Variants in MS4A13 observed in about 807,000 individuals in gnomAD.
MS4A13 encodes membrane spanning 4-domains A13, also known as membrane-spanning 4-domains subfamily A member 13.
A neutral mutation model predicts 18.4 loss-of-function variants in MS4A13; 21 were observed. The ratio of observed to expected loss-of-function variants is 1.14; its 90% CI spans 0.81 to 1.64. The LOEUF is 1.64. Ranked by LOEUF, MS4A13 falls within the 40% of genes most tolerant of loss-of-function variation. The pLI is 0.00. For missense variants in MS4A13, 173 were observed against 176.8 expected, an observed-to-expected ratio of 0.98 and a Z score of 0.12; for synonymous variants, 62 against 57.2, an observed-to-expected ratio of 1.08 and a Z score of -0.38.
chr11:60,528,952 G>C (rs1215548004), intron 5 of MS4A13, among the ~76,000 whole-genome samples: 2 of 152,192 alleles, frequency 1.3e-5, no homozygotes, highest in Non-Finnish European at 2.9e-5. Context: ...GAAGGGTTGT[G>C]ATTAATAATA....
At chr11:60,539,772 C>T (rs1033601464) in intron 6 of MS4A13, among the ~76,000 whole-genome samples, 5 of 152,018 alleles carry the variant, frequency 3.3e-5, no homozygotes, top group Non-Finnish European at 7.4e-5. Context: ...GGTTCTCATC[C>T]AAAACAATGG....
chr11:60,516,441 C>G (rs1281326826), intron 2 of MS4A13, among the ~76,000 whole-genome samples: 2 of 152,082 alleles, frequency 1.3e-5, no homozygotes, highest in African/African-American at 4.8e-5. Flanking sequence ...TAATGAACAC[C>G]AAGGAATTAT....
intron 4 of MS4A13, among the ~76,000 whole-genome samples, chr11:60,524,662 CTTTT>C (rs11338863): frequency 5.7e-5 from 6 of 104,372 alleles, no homozygotes; most frequent in Admixed American, 1.0e-4. Flanking sequence ...AAACACAATA[CTTTT>C]TTTTTTTTTT....
At chr11:60,532,529 G>A (rs1022773701) in intron 6 of MS4A13, among the ~76,000 whole-genome samples, 34 of 152,338 alleles carry the variant, frequency 2.2e-4, no homozygotes, top group Non-Finnish European at 3.8e-4. Flanking sequence ...CTACGCCCAC[G>A]GAATCTCGCT....
chr11:60,542,261 A>G (rs1260709198), intron 6 of MS4A13, among the ~76,000 whole-genome samples: 1 of 149,696 alleles, frequency 6.7e-6, no homozygotes, highest in East Asian at 1.9e-4. Flanking sequence ...AGAGAAAGAA[A>G]GAAAGAAAAA....
At chr11:60,517,931 A>G in intron 2 of MS4A13, 141 bp from the exon 3 acceptor site, 1 of 589,716 alleles carries the variant, frequency 1.7e-6, no homozygotes, top group East Asian at 3.4e-5. Flanking sequence ...GGGATAACCA[A>G]TCCAGGAAAT....
At chr11:60,526,825 AATAGTATAGATTCCAGGATCAG>A (rs2086716567) in intron 5 of MS4A13, among the ~76,000 whole-genome samples, 5 of 152,214 alleles carry the variant, frequency 3.3e-5, no homozygotes, top group Non-Finnish European at 5.9e-5. Context: ...CAAAATGGTT[AATAGTATAGATTCCAGGATCAG>A]AGTGCACTTA....
rs2086648476 is a variant in MS4A13, at chr11:60,518,028, T to G, written c.-12-44T>G. On this transcript the variant is annotated intron_variant, in intron 2 of 6. Coordinates refer to ENST00000378186, the MANE Select transcript of MS4A13 (RefSeq NM_001012417.3). The stretch of plus-strand genomic sequence containing the variant: ...AGTTAACACTTATTGGAATTGTGTT[T>G]TAAATTACATTATTTCGGTACTAAC... 4.1e-6 allele frequency: 6 copies of G among 1,462,550 alleles called. No individual in the cohort carries two copies. In the South Asian group the frequency reaches 6.7e-5, roughly 16 times the overall value. The allele number at this position is 1,462,550 out of a possible 1,614,324, so 90.6% of individuals were successfully genotyped here.
intron 3 of MS4A13, among the ~76,000 whole-genome samples, chr11:60,523,074 C>T (rs1021978140): frequency 6.6e-6 from 1 of 152,160 alleles, no homozygotes; most frequent in African/African-American, 2.4e-5. Flanking sequence ...AAATTCTGAG[C>T]TAGTTCTTAC....
At chr11:60,535,259 A>G (rs1431651382) in intron 6 of MS4A13, among the ~76,000 whole-genome samples, 3 of 39,676 alleles carry the variant, frequency 7.6e-5, no homozygotes, top group South Asian at 2.7e-3. Context: ...AGGATCAACA[A>G]AATTGATAGA....
intron 3 of MS4A13, among the ~76,000 whole-genome samples, chr11:60,522,410 G>A (rs1172494611): frequency 6.6e-6 from 1 of 151,970 alleles, no homozygotes; most frequent in African/African-American, 2.4e-5. Flanking sequence ...AAACCATGAA[G>A]GATAGTGAGT....
At chr11:60,517,206 C>T (rs752574653) in intron 2 of MS4A13, among the ~76,000 whole-genome samples, 5 of 151,718 alleles carry the variant, frequency 3.3e-5, no homozygotes, top group Non-Finnish European at 5.9e-5. Context: ...AAAACTTCTC[C>T]AAAATGTATT....
At chr11:60,538,665 T>C (rs1044728356) in intron 6 of MS4A13, among the ~76,000 whole-genome samples, 2 of 151,430 alleles carry the variant, frequency 1.3e-5, no homozygotes, top group East Asian at 1.9e-4. Context: ...TGGTGTCCCA[T>C]CTATCCTATG....
intron 3 of MS4A13, among the ~76,000 whole-genome samples, chr11:60,522,213 TA>T (rs1354607018): frequency 2.5e-5 from 1 of 40,338 alleles, no homozygotes; most frequent in East Asian, 6.3e-4. Context: ...GATAGATAGA[TA>T]GATAGATAGA....
At chr11:60,528,144 G>C (rs1297492629) in intron 5 of MS4A13, among the ~76,000 whole-genome samples, 1 of 151,328 alleles carries the variant, frequency 6.6e-6, no homozygotes, top group Non-Finnish European at 1.5e-5. Context: ...AAAACCATAG[G>C]TTGTTCAAAT....
rs759455454 is a variant in MS4A13 at position 60,518,077 on chromosome 11, C to G, written c.-7C>G. 6.3e-7 allele frequency: 1 copy of G among 1,589,124 alleles called. No homozygotes were observed. The highest frequency in any genetic ancestry group is 1.1e-5 in the South Asian group (1 of 88,234). On this transcript the variant is annotated 5_prime_UTR_variant, in exon 3 of 7. The change creates a new upstream start codon in the 5' untranslated region. Transcript: ENST00000378186. ...ACATAATTCTCTTCTCACAGACTATCCAGATTATGATTGGCATCTTTCACA... is the reference window on the plus strand; with the variant it reads ...ACATAATTCTCTTCTCACAGACTATGCAGATTATGATTGGCATCTTTCACA...
chr11:60,518,994 C>T (rs1002605150), intron 3 of MS4A13, among the ~76,000 whole-genome samples: 19 of 152,108 alleles, frequency 1.2e-4, no homozygotes, highest in African/African-American at 4.6e-4. Flanking sequence ...AAAGAAACAG[C>T]ATCATATCCT....
At chr11:60,518,452 C>A (rs1340140970) in intron 3 of MS4A13, among the ~76,000 whole-genome samples, 3 of 152,116 alleles carry the variant, frequency 2.0e-5, no homozygotes, top group Admixed American at 1.3e-4. Context: ...AACCATAGGG[C>A]AGTTTGTCCC....
At chr11:60,528,379 G>A (rs575532586) in intron 5 of MS4A13, among the ~76,000 whole-genome samples, 4 of 152,162 alleles carry the variant, frequency 2.6e-5, no homozygotes, top group Non-Finnish European at 5.9e-5. Context: ...CCTTCCCAGA[G>A]AGTAATAGCT....
Sources: gnomAD v4.1 joint callset for allele counts (sites outside exome capture counted in the v4.1 genomes callset) on GRCh38, gnomAD v4.1.1 for gene constraint, MANE v1.5 for transcripts, NCBI Gene and HGNC (gene_info 2026-07-23, HGNC 2026-07-21) for gene names.